MARF1: variants seen among roughly 807,000 people sequenced by gnomAD.
MARF1 encodes the protein limkain-b1.
Under a neutral mutation model 168.2 loss-of-function variants are expected in MARF1, and 24 were observed. The ratio of observed to expected loss-of-function variants is 0.14; its 90% CI spans 0.10 to 0.20. The LOEUF (loss-of-function observed/expected upper bound fraction) is 0.20, where lower values mean the gene tolerates loss of function less well. MARF1 is among the 10% of genes least tolerant of loss of function. The pLI, the probability that MARF1 is intolerant of heterozygous loss-of-function variation, is 1.00. For missense variants in MARF1, 1,744 were observed against 2,143.6 expected (o/e 0.81, Z 3.68); for synonymous variants, 868 against 822.4 (o/e 1.06, Z -0.95).
chr16:15,626,273 A>G (rs2034834839), intron 7 of MARF1, among the ~76,000 whole-genome samples: 1 of 152,274 alleles, frequency 6.6e-6, no homozygotes, highest in African/African-American at 2.4e-5. Flanking sequence ...ATTATAAATT[A>G]GCATAATAGA....
In MARF1 at chr16:15,599,021, G is replaced by A. The variant is rs750235252; in HGVS notation, c.4817C>T (p.Pro1606Leu). The change falls in exon 26 of 27, where the codon CCC becomes CTC. Residue 1606 changes from proline (P) to leucine (L), a missense_variant. Around this residue, in one of 7 missense-constraint regions of MARF1, gnomAD observed 313 missense variants for 337.4 expected, o/e 0.93. Transcript: ENST00000396368. ...GAGAAGCTCCTGCTCTGTGTGACTG[G>A]GCCCTGGGCAAACAAGGAGGGCCGT... ...ELKLGADGSG[P>L]SHTEQELLRL... is the part of the protein sequence containing the mutation. The A allele has an allele frequency of 2.5e-6, 4 of 1,604,798 alleles. No homozygotes were observed. Among genetic ancestry groups the A allele is most frequent in the South Asian group, 1.1e-5 (1 of 90,186 alleles).
intron 22 of MARF1, chr16:15,602,483 G>C: frequency 1.8e-6 from 1 of 565,454 alleles, no homozygotes. Flanking sequence ...CAAAGAACAA[G>C]AAGACGAAGA....
intron 5 of MARF1, among the ~76,000 whole-genome samples, chr16:15,632,832 G>C (rs1285660553): frequency 6.6e-6 from 1 of 152,102 alleles, no homozygotes; most frequent in Non-Finnish European, 1.5e-5. Flanking sequence ...GACTCTGGGG[G>C]TCAGACAAAT....
Position 15,630,497 on chromosome 16 carries a change from G to T in MARF1, c.1359C>A (p.Val453=), listed in dbSNP as rs1308446000. 1 of 1,612,390 alleles carries T rather than the reference G, an allele frequency of 6.2e-7. No individual in the cohort carries two copies. The highest frequency in any genetic ancestry group is 1.7e-5 in the Admixed American group (1 of 59,868). Residue 453 remains valine (V), a synonymous_variant, in exon 7 of 27, where the codon GTC becomes GTA. Transcript: ENST00000396368. ...GGTCACTAAGTTCCAATGCAAAATT[G>T]ACATCAGCTGAAAGAAAAGGTACAG... The part of the protein sequence containing the change: ...PATVVLVSTD[V]NFALELSDLR...
chr16:15,637,313 C>A (rs1692871277), intron 2 of MARF1, among the ~76,000 whole-genome samples: 1 of 152,186 alleles, frequency 6.6e-6, no homozygotes, highest in South Asian at 2.1e-4. Flanking sequence ...GAAGAGGGGG[C>A]CCTGCTACAG....
At chr16:15,638,097 G>A (rs2035713689) in intron 2 of MARF1, among the ~76,000 whole-genome samples, 1 of 152,144 alleles carries the variant, frequency 6.6e-6, no homozygotes, top group South Asian at 2.1e-4. Context: ...ACTAGGGACA[G>A]TGGTTGCAGT....
Position 15,617,065 on chromosome 16 carries a change from C to T in MARF1, c.3064G>A (p.Val1022Met), listed in dbSNP as rs772066273. ...GAGATGGTTCACCTCAATAAAGGCA[C>T]GGTGCCCTCGTGGGTCTGGAGAAGA... ...HSLLQTHEGT[V>M]PLLSFPDCYI... is the part of the protein sequence containing the mutation. Residue 1022 changes from valine to methionine, a missense_variant, in exon 15 of 27, where the codon GTG becomes ATG. Val to Met is a conservative substitution (Grantham distance 21). Transcript: ENST00000396368. 6.8e-6 allele frequency: 11 copies of T among 1,612,916 alleles called. No individual in the cohort carries two copies. Among genetic ancestry groups the T allele is most frequent in the Admixed American group, 6.7e-5 (4 of 59,604 alleles).
chr16:15,620,082 C>T (rs1168418000), intron 13 of MARF1, among the ~76,000 whole-genome samples: 2 of 152,066 alleles, frequency 1.3e-5, no homozygotes, highest in African/African-American at 2.4e-5. Context: ...TGAGAATCAC[C>T]TGAACTTGTG....
chr16:15,639,494 G>A (rs1020709930), intron 1 of MARF1, among the ~76,000 whole-genome samples: 2 of 152,062 alleles, frequency 1.3e-5, no homozygotes, highest in Non-Finnish European at 1.5e-5. Context: ...TCCGTCTCCC[G>A]GGTTCAAGCG....
At position 15,600,733 on chromosome 16, in the gene MARF1, C is replaced by A. The variant is rs201613299; in HGVS notation, c.4627-32G>T. 1.2e-6 allele frequency: 2 copies of A among 1,610,576 alleles called. No individual in the cohort carries two copies. The highest frequency in any genetic ancestry group is 8.5e-7 in the Non-Finnish European group (1 of 1,177,174). ...ACAAGACATACTACTGGTTAAGCAG[C>A]GGAAAAGGAGGGGACAGAAGCCCTA... On this transcript the variant is annotated intron_variant, in intron 23 of 26. Coordinates refer to ENST00000396368, the MANE Select transcript of MARF1 (RefSeq NM_014647.4).
chr16:15,611,140 T>A, intron 18 of MARF1, 32 bp from the exon 19 acceptor site: 1 of 1,607,380 alleles, frequency 6.2e-7, no homozygotes, highest in Non-Finnish European at 8.5e-7. Flanking sequence ...GGATACGGAA[T>A]GAGTAGTATC....
At chr16:15,623,737 T>C (rs539645593) in intron 10 of MARF1, among the ~76,000 whole-genome samples, 1 of 152,194 alleles carries the variant, frequency 6.6e-6, no homozygotes, top group East Asian at 1.9e-4. Flanking sequence ...CCTTCTGCTT[T>C]GTGCATTATC....
intron 26 of MARF1, among the ~76,000 whole-genome samples, chr16:15,598,069 G>A (rs1270352914): frequency 6.6e-6 from 1 of 152,196 alleles, no homozygotes; most frequent in Non-Finnish European, 1.5e-5. Context: ...GAGGAGTTGG[G>A]TTCCAACAGA....
Position 15,609,485 on chromosome 16 carries a change from AG to A in MARF1, c.3954+37del, listed in dbSNP as rs756887157. 9.7e-6 allele frequency: 15 copies of A among 1,542,306 alleles called. No individual in the cohort carries two copies. The South Asian group carries it at 1.7e-4, about 17-fold the overall frequency. ...AAAAAGTATTTCCTATACGTTGTTC[AG>A]AAAAATACTTTATAAAATTAGAATT... On this transcript the variant is annotated intron_variant, in intron 20 of 26. Transcript: ENST00000396368.
intron 2 of MARF1, among the ~76,000 whole-genome samples, chr16:15,637,474 A>T (rs748504989): frequency 2.0e-5 from 3 of 152,226 alleles, no homozygotes; most frequent in Non-Finnish European, 4.4e-5. Flanking sequence ...TAAAAGGGAG[A>T]TAACAGCAAC....
chr16:15,603,161 G>A (rs555846018), intron 22 of MARF1, among the ~76,000 whole-genome samples: 44 of 152,186 alleles, frequency 2.9e-4, no homozygotes, highest in Non-Finnish European at 2.4e-4. Context: ...ATTATTTAAT[G>A]ATGTGTCCCA....
chr16:15,636,466 T>C, intron 2 of MARF1, 124 bp from the exon 3 acceptor site: 1 of 689,674 alleles, frequency 1.4e-6, no homozygotes, highest in Non-Finnish European at 2.4e-6. Flanking sequence ...AAATCATAAC[T>C]GAACAAAATG....
At chr16:15,630,711 C>A (rs2035194626) in intron 6 of MARF1, among the ~76,000 whole-genome samples, 1 of 150,880 alleles carries the variant, frequency 6.6e-6, no homozygotes, top group African/African-American at 2.4e-5. Context: ...ACATATGTTA[C>A]TTTCAGTATT....
chr16:15,608,288 T>TAA lies in MARF1; in HGVS notation c.4182+2_4182+3insTT. ...AAAAAAAAAAAAAAAAAAAAACATT[T>TAA]ACCTTCACGACATGGCAGAGTTTCT... On this transcript the variant is annotated splice_region_variant and intron_variant, in intron 21 of 26. Coordinates refer to ENST00000396368, the MANE Select transcript of MARF1 (RefSeq NM_014647.4). The TAA allele has an allele frequency of 7.3e-7, 1 of 1,376,226 alleles. No homozygotes were observed. Among genetic ancestry groups the TAA allele is most frequent in the Non-Finnish European group, 1.0e-6 (1 of 985,126 alleles). 85.3% of individuals were successfully genotyped at this position (1,376,226 alleles called of 1,614,324 possible). A position where few individuals can be genotyped will look rare whatever the true frequency, so the allele number is the denominator to read the frequency against.
Sources: allele counts gnomAD v4.1 joint callset (sites outside exome capture counted in the v4.1 genomes callset), GRCh38; gene constraint gnomAD v4.1.1; regional missense constraint gnomAD v4.1.1; transcripts MANE v1.5; gene names NCBI Gene and HGNC (gene_info 2026-07-23, HGNC 2026-07-21).